Variants in AIG1 observed in about 807,000 individuals in gnomAD.
AIG1 encodes androgen induced 1.
In AIG1, 23 loss-of-function variants were observed where a neutral mutation model predicts 31.4. The observed-to-expected ratio is 0.73, with a 90% CI of 0.53 to 1.04. AIG1 has a LOEUF of 1.04. Among genes scored for constraint, AIG1 ranks in the 50% least tolerant of loss-of-function variants. The probability of loss-of-function intolerance (pLI) is 0.00; values close to 1 mark genes in which losing one functional copy is unlikely to be tolerated. For missense variants in AIG1, 274 were observed against 295.0 expected, an observed-to-expected ratio of 0.93 and a Z score of 0.52; for synonymous variants, 100 against 110.5, an observed-to-expected ratio of 0.90 and a Z score of 0.60.
intron 4 of AIG1, among the ~76,000 whole-genome samples, chr6:143,287,697 T>C (rs943593040): frequency 6.9e-6 from 1 of 145,920 alleles, no homozygotes; most frequent in Non-Finnish European, 1.5e-5. Context: ...AAAGACACTG[T>C]TATTGTATAT....
rs950595025 is a variant in AIG1, at chr6:143,202,630, G to A, written c.399+37447G>A. Among the ~76,000 whole-genome samples the A allele has an allele frequency of 7.9e-5, 12 of 152,258 alleles. No individual in the cohort carries two copies. The East Asian group carries it at 1.7e-3, about 22-fold the overall frequency. Reference sequence around the variant, plus strand: ...AAGAGATTATGTTTTAGCTGCTGGCGGGAGGAGAATCTGCAGTTTAGGTGC... The same window carrying A: ...AAGAGATTATGTTTTAGCTGCTGGCAGGAGGAGAATCTGCAGTTTAGGTGC... On this transcript the variant is annotated intron_variant, in intron 3 of 5. Transcript: ENST00000357847.
chr6:143,324,444 A>AT (rs796271485), intron 4 of AIG1, among the ~76,000 whole-genome samples: 2 of 152,276 alleles, frequency 1.3e-5, no homozygotes, highest in African/African-American at 4.8e-5. Flanking sequence ...TACTTAGATC[A>AT]TTTTTTTGTT....
intron 4 of AIG1, among the ~76,000 whole-genome samples, chr6:143,302,071 G>T (rs1798864328): frequency 6.6e-6 from 1 of 151,972 alleles, no homozygotes; most frequent in African/African-American, 2.4e-5. Flanking sequence ...TTTCATTAAT[G>T]CTGAATCTTA....
At chr6:143,149,747 A>G (rs1383933239) in intron 2 of AIG1, among the ~76,000 whole-genome samples, 2 of 152,208 alleles carry the variant, frequency 1.3e-5, no homozygotes, top group Non-Finnish European at 2.9e-5. Context: ...AGTTTTGACA[A>G]GAAAAGAAAA....
rs1252227583 is a variant in AIG1, at chr6:143,299,071, A to G, written c.515+14846A>G. The G allele has an allele frequency of 6.6e-6, 1 of 152,140 alleles. No individual in the cohort carries two copies. Among genetic ancestry groups the G allele is most frequent in the East Asian group, 1.9e-4 (1 of 5,188 alleles). The allele number at this position is 152,140 out of a possible 1,614,324, so 9.4% of individuals were successfully genotyped here. A position where few individuals can be genotyped will look rare whatever the true frequency, so the allele number is the denominator to read the frequency against. ...TGCTATCTTGAGTGCCACTGCTTTC[A>G]TACCTGAGGAGGATGGCTGAAAAGA... is the stretch of plus-strand genomic sequence containing the variant. On this transcript the variant is annotated intron_variant, in intron 4 of 5. Transcript: ENST00000357847. The surrounding 1 kb of genome is among the most constrained non-coding windows in gnomAD (Gnocchi z 4.1).
chr6:143,093,463 T>G (rs1159865566), intron 1 of AIG1, among the ~76,000 whole-genome samples: 1 of 152,246 alleles, frequency 6.6e-6, no homozygotes, highest in Non-Finnish European at 1.5e-5. Flanking sequence ...TTTGATCTTC[T>G]CTCCAGATCA....
chr6:143,199,557 T>C (rs1790524836), intron 3 of AIG1, among the ~76,000 whole-genome samples: 1 of 152,222 alleles, frequency 6.6e-6, no homozygotes, highest in Non-Finnish European at 1.5e-5. Context: ...GATTTTCATA[T>C]GAGCTCATTT....
chr6:143,062,265 CT>C (rs2128455064), intron 1 of AIG1, among the ~76,000 whole-genome samples: 1 of 152,330 alleles, frequency 6.6e-6, no homozygotes, highest in Admixed American at 6.5e-5. Flanking sequence ...AGTCTCCAAA[CT>C]GTGCACATAC....
At chr6:143,216,786 A>G (rs2128620227) in intron 3 of AIG1, among the ~76,000 whole-genome samples, 1 of 152,288 alleles carries the variant, frequency 6.6e-6, no homozygotes, top group South Asian at 2.1e-4. Flanking sequence ...ACGCTTCCCT[A>G]CAGTGTCTTC....
chr6:143,077,968 T>C (rs1015058173), intron 1 of AIG1, among the ~76,000 whole-genome samples: 2 of 152,248 alleles, frequency 1.3e-5, no homozygotes, highest in African/African-American at 4.8e-5. Flanking sequence ...TCTTTTTAGA[T>C]CCTGCTCTTC....
chr6:143,262,550 A>C (rs543468625), intron 3 of AIG1, among the ~76,000 whole-genome samples: 3 of 152,238 alleles, frequency 2.0e-5, no homozygotes, highest in African/African-American at 7.2e-5. Context: ...GCCAAGAATC[A>C]CATTAACTTA....
At chr6:143,236,882 A>G (rs1349694514) in intron 3 of AIG1, among the ~76,000 whole-genome samples, 2 of 152,196 alleles carry the variant, frequency 1.3e-5, no homozygotes, top group African/African-American at 4.8e-5. Context: ...CATAGTAGCA[A>G]TTATATTTTT....
At chr6:143,224,956 T>G (rs1168364342) in intron 3 of AIG1, among the ~76,000 whole-genome samples, 2 of 152,194 alleles carry the variant, frequency 1.3e-5, no homozygotes, top group Non-Finnish European at 2.9e-5. Flanking sequence ...CCTTAATGAG[T>G]GCCCATTGCC....
chr6:143,217,930 T>C (rs1252916453), intron 3 of AIG1, among the ~76,000 whole-genome samples: 1 of 152,260 alleles, frequency 6.6e-6, no homozygotes, highest in African/African-American at 2.4e-5. Context: ...AGGGCTATAT[T>C]GATTTACAAT....
intron 3 of AIG1, among the ~76,000 whole-genome samples, chr6:143,178,483 C>T (rs1202996082): frequency 6.6e-6 from 1 of 152,194 alleles, no homozygotes; most frequent in Non-Finnish European, 1.5e-5. Context: ...GGGGGCTCTC[C>T]TCTTATTAGG....
intron 1 of AIG1, among the ~76,000 whole-genome samples, chr6:143,071,142 A>G (rs934003145): frequency 1.3e-5 from 2 of 152,148 alleles, no homozygotes; most frequent in African/African-American, 4.8e-5. Flanking sequence ...TGTTCTTTCT[A>G]TGATTTTTGT....
At chr6:143,206,957 G>A (rs895008486) in intron 3 of AIG1, among the ~76,000 whole-genome samples, 1 of 152,146 alleles carries the variant, frequency 6.6e-6, no homozygotes, top group African/African-American at 2.4e-5. Flanking sequence ...TTATATTTCA[G>A]TGCCTTTAGA....
chr6:143,162,840 A>G (rs1028589260), intron 2 of AIG1, among the ~76,000 whole-genome samples: 4 of 152,122 alleles, frequency 2.6e-5, no homozygotes, highest in Non-Finnish European at 5.9e-5. Flanking sequence ...ACTCATGACT[A>G]TGTGGGCAGG....
Position 143,165,124 on chromosome 6 carries a change from G to C in AIG1, c.340G>C (p.Glu114Gln). The change falls in exon 3 of 6, where the codon GAG becomes CAG. Residue 114 changes from glutamate (E) to glutamine (Q), a missense_variant. Transcript: ENST00000357847. Reference protein sequence around the residue: ...VFWIIYAYDREMIYPKLLDNF... With the variant: ...VFWIIYAYDRQMIYPKLLDNF... ...CTGGATCATTTATGCCTATGACAGAGAGATGATATACCCGAAGCTGCTGGA... is the reference window on the plus strand; with the variant it reads ...CTGGATCATTTATGCCTATGACAGACAGATGATATACCCGAAGCTGCTGGA... The C allele has an allele frequency of 1.9e-6, 3 of 1,613,646 alleles. No individual in the cohort carries two copies. Among genetic ancestry groups the C allele is most frequent in the Non-Finnish European group, 2.5e-6 (3 of 1,179,650 alleles).
Sources: allele counts gnomAD v4.1 joint callset (sites outside exome capture counted in the v4.1 genomes callset), GRCh38; gene constraint gnomAD v4.1.1; non-coding constraint Gnocchi (gnomAD v3.1); transcripts MANE v1.5; gene names NCBI Gene and HGNC (gene_info 2026-07-23, HGNC 2026-07-21).